ZNF516: variants seen among roughly 807,000 people sequenced by gnomAD.
ZNF516 encodes the protein zinc finger protein 516.
In ZNF516, 19 loss-of-function variants were observed where a neutral mutation model predicts 79.7. The ratio of observed to expected loss-of-function variants is 0.24; its 90% confidence interval spans 0.17 to 0.35. The LOEUF is 0.35. Among genes scored for constraint, ZNF516 ranks in the 10% least tolerant of loss-of-function variants. ZNF516 has a pLI of 1.00. For synonymous variants in ZNF516, 877 were observed against 739.5 expected, an observed-to-expected ratio of 1.19 and a Z score of -3.02; for missense variants, 1,678 against 1,679.5, an observed-to-expected ratio of 1.00 and a Z score of 0.02.
At chr18:76,381,351 A>G (rs2074889724) in intron 3 of ZNF516, among the ~76,000 whole-genome samples, 1 of 152,144 alleles carries the variant, frequency 6.6e-6, no homozygotes, top group Non-Finnish European at 1.5e-5. Context: ...GGATATCTTA[A>G]AACTCTCTGA....
intron 3 of ZNF516, among the ~76,000 whole-genome samples, chr18:76,432,408 C>T (rs984226178): frequency 6.6e-6 from 1 of 152,266 alleles, no homozygotes; most frequent in African/African-American, 2.4e-5. Flanking sequence ...CTCACCCCAT[C>T]GGCCTCTGCC....
intron 3 of ZNF516, among the ~76,000 whole-genome samples, chr18:76,440,106 C>T (rs193178376): frequency 7.2e-5 from 11 of 152,316 alleles, no homozygotes; most frequent in East Asian, 5.8e-4. Flanking sequence ...ATAACCTGTG[C>T]GTGGATTCAA....
intron 1 of ZNF516, among the ~76,000 whole-genome samples, chr18:76,470,235 T>C (rs1278884835): frequency 1.3e-5 from 2 of 152,202 alleles, no homozygotes; most frequent in African/African-American, 2.4e-5. Flanking sequence ...CCAACCAATG[T>C]GCAGTTTCCC....
At chr18:76,414,404 T>TGTC (rs796793825) in intron 3 of ZNF516, among the ~76,000 whole-genome samples, 32 of 152,338 alleles carry the variant, frequency 2.1e-4, no homozygotes, top group African/African-American at 7.2e-4. Context: ...TGTAATATAA[T>TGTC]GTCTTACAAT....
intron 1 of ZNF516, among the ~76,000 whole-genome samples, chr18:76,465,392 G>A (rs1913399895): frequency 6.6e-6 from 1 of 152,212 alleles, no homozygotes; most frequent in African/African-American, 2.4e-5. Context: ...ACTCAAAGGA[G>A]AAAGAGGCCT....
At chr18:76,494,548 G>T (rs1432559381) in intron 1 of ZNF516, among the ~76,000 whole-genome samples, 1 of 146,578 alleles carries the variant, frequency 6.8e-6, no homozygotes, top group East Asian at 2.1e-4. Context: ...GCAAGCAGCC[G>T]GGGAGGGGGC....
chr18:76,412,231 G>A (rs750949280), intron 3 of ZNF516, among the ~76,000 whole-genome samples: 2 of 152,302 alleles, frequency 1.3e-5, no homozygotes, highest in South Asian at 2.1e-4. Context: ...AGCGAAGGTC[G>A]CCGTGCTGAC....
At position 76,470,897 on chromosome 18, in the gene ZNF516, G is replaced by A. The variant is rs1913793705; in HGVS notation, c.-271-7756C>T. On this transcript the variant is annotated intron_variant, in intron 1 of 6. Transcript: ENST00000443185. ...CCTGGCATGGTGGCAGGCGCCCGTA[G>A]TCCCAGCTACTCGGGAGCCTGAGAA... is the stretch of plus-strand genomic sequence containing the variant. Among the ~76,000 whole-genome samples, 9 of 152,194 alleles carry A rather than the reference G, an allele frequency of 5.9e-5. No homozygotes were observed. The South Asian group carries it at 1.9e-3, about 32-fold the overall frequency.
At chr18:76,446,202 G>A (rs1271887617) in intron 2 of ZNF516, among the ~76,000 whole-genome samples, 1 of 152,154 alleles carries the variant, frequency 6.6e-6, no homozygotes, top group East Asian at 1.9e-4. Flanking sequence ...GAAGCCCCTT[G>A]CAAATGCCTC....
chr18:76,440,689 T>G (rs2075802190), intron 3 of ZNF516, among the ~76,000 whole-genome samples: 1 of 152,102 alleles, frequency 6.6e-6, no homozygotes. Context: ...GCACACCAAT[T>G]TGAAGATAGT....
At chr18:76,401,313 G>A (rs1003403639) in intron 3 of ZNF516, among the ~76,000 whole-genome samples, 4 of 148,090 alleles carry the variant, frequency 2.7e-5, no homozygotes, top group African/African-American at 1.0e-4. Flanking sequence ...CAATGCCTCA[G>A]ACAAATCTCT....
chr18:76,463,367 G>A (rs967445833), intron 1 of ZNF516, among the ~76,000 whole-genome samples: 3 of 152,260 alleles, frequency 2.0e-5, no homozygotes, highest in Non-Finnish European at 4.4e-5. Context: ...AGGAGCAGGA[G>A]AAGCATTCAA....
upstream of ZNF516, chr18:76,495,812 G>T: frequency 5.9e-6 from 6 of 1,018,478 alleles, no homozygotes; most frequent in Non-Finnish European, 7.4e-6. Context: ...ACACGGCGTA[G>T]CGTGTGCGTG....
intron 3 of ZNF516, among the ~76,000 whole-genome samples, chr18:76,438,021 G>A (rs577473048): frequency 9.8e-5 from 15 of 152,318 alleles, no homozygotes; most frequent in East Asian, 5.8e-4. Flanking sequence ...ATATTAGCAC[G>A]ACAAGAAATG....
At chr18:76,448,245 CT>C (rs767558833) in intron 2 of ZNF516, among the ~76,000 whole-genome samples, 2 of 151,996 alleles carry the variant, frequency 1.3e-5, no homozygotes, top group Non-Finnish European at 2.9e-5. Flanking sequence ...TTTTCTTTTC[CT>C]TGTCTTTCTT....
chr18:76,389,631 C>G (rs1045231504), intron 3 of ZNF516, among the ~76,000 whole-genome samples: 2 of 152,306 alleles, frequency 1.3e-5, no homozygotes, highest in South Asian at 4.1e-4. Flanking sequence ...CTTATGTACT[C>G]TTCAATGTCA....
chr18:76,395,977 G>A (rs544857808), intron 3 of ZNF516, among the ~76,000 whole-genome samples: 4 of 152,284 alleles, frequency 2.6e-5, no homozygotes, highest in South Asian at 2.1e-4. Context: ...CAGCATCCAC[G>A]CTCCTGACCC....
At chr18:76,481,581 T>C (rs1165567097) in intron 1 of ZNF516, among the ~76,000 whole-genome samples, 1 of 152,204 alleles carries the variant, frequency 6.6e-6, no homozygotes, top group Admixed American at 6.5e-5. Context: ...TTTGATGAAG[T>C]TACTCACCTG....
In ZNF516 at chr18:76,459,369, A is replaced by AG. The variant is rs1912954556; in HGVS notation, c.-158+3658dup. ...ACTCAACATCATTGAGCCCTCCCAC[A>AG]GGCACCCAAGCTCTCTGAGGACAGC... On this transcript the variant is annotated intron_variant, in intron 2 of 6. Transcript: ENST00000443185. This position sits in a 1 kb window ranked among gnomAD's most constrained non-coding sequence, Gnocchi z 5.0. 6.6e-6 allele frequency among the ~76,000 whole-genome samples: 1 copy of AG among 152,136 alleles called. No individual in the cohort carries two copies. The highest frequency in any genetic ancestry group is 2.1e-4 in the South Asian group (1 of 4,834).
Sources: gnomAD v4.1 joint callset for allele counts (sites outside exome capture counted in the v4.1 genomes callset) on GRCh38, gnomAD v4.1.1 for gene constraint, Gnocchi (gnomAD v3.1) non-coding constraint, MANE v1.5 for transcripts, NCBI Gene and HGNC (gene_info 2026-07-23, HGNC 2026-07-21) for gene names.